NMBR: variants seen among roughly 807,000 people sequenced by gnomAD.
The protein encoded by NMBR is neuromedin-B receptor.
NMBR carries 16 observed loss-of-function variants against 20.5 expected under a neutral mutation model. The ratio of observed to expected loss-of-function variants is 0.78; its 90% confidence interval spans 0.53 to 1.19. The LOEUF (loss-of-function observed/expected upper bound fraction) is 1.19. Ranked by LOEUF, NMBR falls within the 50% of genes most tolerant of loss-of-function variation. NMBR has a pLI of 0.00. For missense variants in NMBR, 582 were observed against 499.1 expected (o/e 1.17, Z -1.58); for synonymous variants, 212 against 196.6 (o/e 1.08, Z -0.65).
Position 142,075,857 on chromosome 6 carries a change from A to G in NMBR, c.964T>C (p.Phe322Leu). The change falls in exon 4 of 4, where the codon TTT becomes CTT. Residue 322 changes from phenylalanine to leucine, a missense_variant. Coordinates refer to ENST00000258042, the MANE Select transcript of NMBR (RefSeq NM_002511.4). ...LSFGNSCVNP[F>L]ALYLLSESFR... ...CTTTCACTGAGTAGGTAAAGAGCAAATGGGTTGACACAAGAATTGCCAAAA... is the reference window on the plus strand; with the variant it reads ...CTTTCACTGAGTAGGTAAAGAGCAAGTGGGTTGACACAAGAATTGCCAAAA... 1 of 1,614,044 alleles carries G rather than the reference A, an allele frequency of 6.2e-7. No homozygotes were observed. Among genetic ancestry groups the G allele is most frequent in the South Asian group, 1.1e-5 (1 of 91,074 alleles).
chr6:142,107,295 G>C (rs1777679903), intron 1 of NMBR, among the ~76,000 whole-genome samples: 1 of 152,118 alleles, frequency 6.6e-6, no homozygotes. Context: ...CTTGCAAAGG[G>C]GGCTGAATTT....
chr6:142,084,811 C>G (rs1562233311), intron 2 of NMBR, among the ~76,000 whole-genome samples: 1 of 152,112 alleles, frequency 6.6e-6, no homozygotes, highest in East Asian at 1.9e-4. Flanking sequence ...ATAACGCCAA[C>G]CAGGAGCAAA....
chr6:142,138,265 A>G (rs1356659724), intron 1 of NMBR, among the ~76,000 whole-genome samples: 1 of 152,082 alleles, frequency 6.6e-6, no homozygotes, highest in Non-Finnish European at 1.5e-5. Flanking sequence ...ATTTTTCCTC[A>G]AGCTTTATGC....
At chr6:142,102,557 A>G (rs1777584683) in intron 1 of NMBR, among the ~76,000 whole-genome samples, 2 of 152,166 alleles carry the variant, frequency 1.3e-5, no homozygotes, top group South Asian at 4.1e-4. Context: ...GAGCAATTCT[A>G]TTATGTAGTA....
At position 142,105,016 on chromosome 6, in the gene NMBR, T is replaced by C. The variant is rs139776247; in HGVS notation, c.-663-15695A>G. On this transcript the variant is annotated intron_variant, in intron 1 of 3. Coordinates refer to ENST00000258042, the MANE Select transcript of NMBR (RefSeq NM_002511.4). The stretch of plus-strand genomic sequence containing the variant: ...TACATTCTCAAGGGCGGGAAGAATA[T>C]TACAAAGCACCTTCTTAAGGGTGGG... Among the ~76,000 whole-genome samples the C allele has an allele frequency of 1.1e-3, 170 of 151,968 alleles. 3 individuals are homozygous for C. Among genetic ancestry groups the C allele is most frequent in the African/African-American group, 3.9e-3 (163 of 41,446 alleles).
At chr6:142,136,456 G>A (rs376228569) in intron 1 of NMBR, among the ~76,000 whole-genome samples, 4 of 151,894 alleles carry the variant, frequency 2.6e-5, no homozygotes, top group East Asian at 1.9e-4. Flanking sequence ...GCCTGTTCAC[G>A]CTGATGGTAG....
At chr6:142,091,150 T>TA (rs1777315061) in intron 1 of NMBR, among the ~76,000 whole-genome samples, 1 of 152,218 alleles carries the variant, frequency 6.6e-6, no homozygotes. Flanking sequence ...AAATTACATA[T>TA]AAGAACACAG....
intron 1 of NMBR, among the ~76,000 whole-genome samples, chr6:142,140,184 A>G (rs1778341712): frequency 6.6e-6 from 1 of 152,138 alleles, no homozygotes; most frequent in Non-Finnish European, 1.5e-5. Context: ...GGATATAGGT[A>G]AAAAGTAACA....
rs1562389591 is a variant in NMBR at position 142,078,645 on chromosome 6, A to G, written c.681T>C (p.Ile227=). 2.5e-6 allele frequency: 4 copies of G among 1,612,988 alleles called. No homozygotes were observed. The highest frequency in any genetic ancestry group is 1.1e-5 in the South Asian group (1 of 91,050). ...FLVYFLIPLA[I]ISIYYYHIAK... ...CAATATGATAATAATAAATGCTAAT[A>G]ATAGCAAGTGGTATGAGGAAATAGA... The change falls in exon 3 of 4, where the codon ATT becomes ATC. Residue 227 remains isoleucine, a synonymous_variant. Transcript: ENST00000258042.
At chr6:142,092,813 CTG>C (rs1777355624) in intron 1 of NMBR, among the ~76,000 whole-genome samples, 1 of 152,166 alleles carries the variant, frequency 6.6e-6, no homozygotes, top group Non-Finnish European at 1.5e-5. Flanking sequence ...AGAAAGAACT[CTG>C]GAGATTCACA....
At chr6:142,120,702 C>A (rs1483525173) in intron 1 of NMBR, among the ~76,000 whole-genome samples, 1 of 151,850 alleles carries the variant, frequency 6.6e-6, no homozygotes, top group Non-Finnish European at 1.5e-5. Flanking sequence ...CCTAAATTTG[C>A]CCTATGCGAC....
At chr6:142,097,897 CA>C (rs1464603659) in intron 1 of NMBR, among the ~76,000 whole-genome samples, 1 of 151,514 alleles carries the variant, frequency 6.6e-6, no homozygotes, top group Non-Finnish European at 1.5e-5. Context: ...AGAAAAAAGT[CA>C]TAAAAATAAA....
Position 142,088,390 on chromosome 6 carries a change from A to G in NMBR, c.269T>C (p.Leu90Ser). Residue 90 changes from leucine (L) to serine (S), a missense_variant, in exon 2 of 4, where the codon TTG (leucine) becomes TCG (serine). By Grantham distance (145) the Leu-to-Ser change is moderately radical. Transcript: ENST00000258042. ...CGGGACGCAGGTGAGCAGCAGCAGC[A>G]AGTCCCCGGCCGCCAGGTTAGAGAT... The part of the protein sequence containing the change: ...IFISNLAAGD[L>S]LLLLTCVPVD... 2 of 1,614,152 alleles carry G rather than the reference A, an allele frequency of 1.2e-6. No individual in the cohort carries two copies. The highest frequency in any genetic ancestry group is 2.2e-5 in the South Asian group (2 of 91,068).
At chr6:142,143,564 G>A (rs1188532184) in intron 1 of NMBR, among the ~76,000 whole-genome samples, 2 of 152,322 alleles carry the variant, frequency 1.3e-5, no homozygotes, top group African/African-American at 2.4e-5. Context: ...AATTACAGGC[G>A]TGAGCCACTG....
At chr6:142,107,966 A>G (rs1777689208) in intron 1 of NMBR, among the ~76,000 whole-genome samples, 1 of 152,288 alleles carries the variant, frequency 6.6e-6, no homozygotes, top group Non-Finnish European at 1.5e-5. Flanking sequence ...GCTCAGCAGT[A>G]GATTTGAACT....
In NMBR at chr6:142,135,223, TA is replaced by T. The variant is rs534806403; in HGVS notation, c.-664+11820del. The T allele has an allele frequency of 1.6e-3, 271 of 166,534 alleles. 6 individuals carry two copies. The Middle Eastern group carries it at 0.019, about 12-fold the overall frequency. The allele number at this position is 166,534 out of a possible 1,614,324, so 10.3% of individuals were successfully genotyped here. Reference sequence around the variant, plus strand: ...GTTTTTCTGTGGCCAGAGAAACTTTTATTGTCTTTTTTTACGAAGTGGAAAA... The same window carrying T: ...GTTTTTCTGTGGCCAGAGAAACTTTTTTGTCTTTTTTTACGAAGTGGAAAA... On this transcript the variant is annotated intron_variant, in intron 1 of 3. Transcript: ENST00000258042.
At chr6:142,138,407 A>T (rs1778301169) in intron 1 of NMBR, among the ~76,000 whole-genome samples, 1 of 152,176 alleles carries the variant, frequency 6.6e-6, no homozygotes, top group Non-Finnish European at 1.5e-5. Flanking sequence ...CTATTTAACA[A>T]GTACTGCATT....
At chr6:142,140,780 G>T (rs1392903102) in intron 1 of NMBR, among the ~76,000 whole-genome samples, 1 of 151,978 alleles carries the variant, frequency 6.6e-6, no homozygotes, top group African/African-American at 2.4e-5. Context: ...AGCTCAATTG[G>T]CTATATTAAT....
At position 142,088,507 on chromosome 6, in the gene NMBR, A is replaced by AG. The variant is rs1777245998; in HGVS notation, c.151dup (p.Leu51ProfsTer34). ...CAGCAAGCCCACGGTGATGATGAGC[A>AG]GGTAGAGGGACGGGATCACACAGCG... On this transcript the variant is annotated frameshift_variant, in exon 2 of 4. Transcript: ENST00000258042. LOFTEE classifies it high-confidence loss of function. The AG allele has an allele frequency of 1.2e-6, 2 of 1,613,950 alleles. No homozygotes were observed. Among genetic ancestry groups the AG allele is most frequent in the South Asian group, 2.2e-5 (2 of 91,082 alleles).
Sources: allele counts gnomAD v4.1 joint callset (sites outside exome capture counted in the v4.1 genomes callset), GRCh38; gene constraint gnomAD v4.1.1; transcripts MANE v1.5; gene names NCBI Gene and HGNC (gene_info 2026-07-23, HGNC 2026-07-21).